PTPRG: variants seen among roughly 807,000 people sequenced by gnomAD.
PTPRG encodes receptor-type tyrosine-protein phosphatase gamma.
Under a neutral mutation model 165.3 loss-of-function variants are expected in PTPRG, and 102 were observed. The ratio of observed to expected loss-of-function variants is 0.62; its 90% CI spans 0.53 to 0.73. PTPRG has a LOEUF of 0.73. Among genes scored for constraint, PTPRG ranks in the 30% least tolerant of loss-of-function variants. The pLI, the probability that PTPRG is intolerant of heterozygous loss-of-function variation, is 0.00. For synonymous variants in PTPRG, 675 were observed against 669.5 expected, an observed-to-expected ratio of 1.01 and a Z score of -0.13; for missense variants, 1,866 against 1,861.4, an observed-to-expected ratio of 1.00 and a Z score of -0.05.
intron 8 of PTPRG, among the ~76,000 whole-genome samples, chr3:62,188,781 A>G (rs903643523): frequency 1.3e-5 from 2 of 152,168 alleles, no homozygotes; most frequent in Non-Finnish European, 2.9e-5. Flanking sequence ...ATGCTTTCAG[A>G]ATGAGGAAGA....
chr3:62,055,508 G>C (rs114769612), intron 4 of PTPRG, among the ~76,000 whole-genome samples: 2,737 of 152,250 alleles, frequency 0.018, 42 homozygotes, highest in Non-Finnish European at 0.028. Context: ...TACAGAAAAC[G>C]GAGACATAGG....
At chr3:61,575,598 CTTTTTTT>C (rs34363041) in intron 1 of PTPRG, among the ~76,000 whole-genome samples, 1 of 117,304 alleles carries the variant, frequency 8.5e-6, no homozygotes, top group Non-Finnish European at 1.7e-5. Flanking sequence ...GCACACAGAA[CTTTTTTT>C]TTTTTTTTTT....
intron 2 of PTPRG, among the ~76,000 whole-genome samples, chr3:61,964,050 A>G (rs528115167): frequency 6.6e-6 from 1 of 152,358 alleles, no homozygotes; most frequent in East Asian, 1.9e-4. Flanking sequence ...CTCATTTAAT[A>G]CATGCAGGGA....
intron 2 of PTPRG, among the ~76,000 whole-genome samples, chr3:61,809,854 G>A (rs935752833): frequency 6.6e-6 from 1 of 152,180 alleles, no homozygotes; most frequent in Non-Finnish European, 1.5e-5. Flanking sequence ...AGCTATTGAA[G>A]CTCTGTGCTC....
At chr3:61,930,704 A>G (rs994515865) in intron 2 of PTPRG, among the ~76,000 whole-genome samples, 6 of 152,216 alleles carry the variant, frequency 3.9e-5, no homozygotes, top group African/African-American at 1.4e-4. Flanking sequence ...AATTACAATT[A>G]TAGTTAGAGA....
At chr3:61,590,891 C>G (rs146479439) in intron 1 of PTPRG, among the ~76,000 whole-genome samples, 8 of 152,028 alleles carry the variant, frequency 5.3e-5, no homozygotes, top group African/African-American at 1.9e-4. Flanking sequence ...TGCCAGATCA[C>G]TCGAGGTCAG....
chr3:61,605,041 T>C (rs1700964638), intron 1 of PTPRG, among the ~76,000 whole-genome samples: 1 of 152,152 alleles, frequency 6.6e-6, no homozygotes, highest in African/African-American at 2.4e-5. Context: ...GCCTTTCTTG[T>C]TGGATCATGC....
At chr3:62,081,768 T>A (rs1294846150) in intron 5 of PTPRG, among the ~76,000 whole-genome samples, 1 of 152,234 alleles carries the variant, frequency 6.6e-6, no homozygotes, top group South Asian at 2.1e-4. Context: ...TTTTTAATTT[T>A]TTTGCTCTCT....
At chr3:62,149,309 C>CT (rs1228388526) in intron 6 of PTPRG, among the ~76,000 whole-genome samples, 1 of 145,500 alleles carries the variant, frequency 6.9e-6, no homozygotes, top group Non-Finnish European at 1.5e-5. Flanking sequence ...GAGTCTCACT[C>CT]TGTCACCAGG....
intron 2 of PTPRG, among the ~76,000 whole-genome samples, chr3:61,885,676 CCTCT>C (rs1243796720): frequency 2.7e-4 from 22 of 82,918 alleles, no homozygotes; most frequent in Non-Finnish European, 3.0e-4. Context: ...CCTCTCCTCT[CCTCT>C]CCTCTCCTCT....
rs367740752 is a variant in PTPRG at position 61,868,886 on chromosome 3, T to C, written c.190+119904T>C. ...GCATTTATAACAAGGTCTGATTTGA[T>C]GACTTGTTCAGAAGGGTGTTTTTTT... On this transcript the variant is annotated intron_variant, in intron 2 of 29. Coordinates refer to ENST00000474889, the MANE Select transcript of PTPRG (RefSeq NM_002841.4). 4.2e-4 allele frequency among the ~76,000 whole-genome samples: 64 copies of C among 151,936 alleles called. 1 individual carries two copies. Among genetic ancestry groups the C allele is most frequent in the East Asian group, 4.1e-3 (21 of 5,182 alleles).
chr3:62,018,762 T>C (rs2041612495), intron 4 of PTPRG, among the ~76,000 whole-genome samples: 1 of 152,170 alleles, frequency 6.6e-6, no homozygotes, highest in Non-Finnish European at 1.5e-5. Flanking sequence ...TGGGCAGGTC[T>C]ACATGAGCCA....
intron 28 of PTPRG, among the ~76,000 whole-genome samples, chr3:62,290,025 C>T (rs1254580857): frequency 1.3e-5 from 2 of 151,934 alleles, no homozygotes; most frequent in Non-Finnish European, 2.9e-5. Context: ...TCTGTTTGAC[C>T]GGATACAATT....
At chr3:61,909,136 A>G (rs796802982) in intron 2 of PTPRG, among the ~76,000 whole-genome samples, 60 of 152,336 alleles carry the variant, frequency 3.9e-4, no homozygotes, top group African/African-American at 1.4e-3. Context: ...TTTTAAGCAC[A>G]TTGGAGCCCA....
chr3:62,083,181 T>C (rs998902702), intron 5 of PTPRG, among the ~76,000 whole-genome samples: 1 of 152,192 alleles, frequency 6.6e-6, no homozygotes, highest in Non-Finnish European at 1.5e-5. Context: ...TCAACCTAAT[T>C]TGAATGCCTG....
chr3:61,983,912 G>A (rs1471086054), intron 2 of PTPRG, among the ~76,000 whole-genome samples: 1 of 152,120 alleles, frequency 6.6e-6, no homozygotes, highest in Non-Finnish European at 1.5e-5. Flanking sequence ...ATATTTGTTT[G>A]AATAGAATTA....
chr3:62,067,149 A>G (rs1358618076), intron 4 of PTPRG, among the ~76,000 whole-genome samples: 1 of 151,974 alleles, frequency 6.6e-6, no homozygotes, highest in Admixed American at 6.5e-5. Context: ...GGAAAGAAAA[A>G]CAAAGGGCTT....
intron 9 of PTPRG, among the ~76,000 whole-genome samples, chr3:62,192,776 C>T (rs992881387): frequency 5.9e-5 from 9 of 151,996 alleles, no homozygotes; most frequent in African/African-American, 1.4e-4. Context: ...GAAAGCCTTG[C>T]GTTTATTGTT....
chr3:62,291,737 A>G (rs1479789544), intron 28 of PTPRG, among the ~76,000 whole-genome samples: 1 of 152,116 alleles, frequency 6.6e-6, no homozygotes, highest in Non-Finnish European at 1.5e-5. Context: ...TCTCATCACT[A>G]ATGTGGAAAC....
Sources: allele counts gnomAD v4.1 joint callset (sites outside exome capture counted in the v4.1 genomes callset), GRCh38; gene constraint gnomAD v4.1.1; transcripts MANE v1.5; gene names NCBI Gene and HGNC (gene_info 2026-07-23, HGNC 2026-07-21).